Variants in SLC30A8 observed in about 807,000 individuals in gnomAD.
SLC30A8 encodes the protein solute carrier family 30 member 8.
A neutral mutation model predicts 36.9 loss-of-function variants in SLC30A8; 27 were observed. That is an observed-to-expected ratio of 0.73 (90% CI 0.54 to 1.01). SLC30A8 has a LOEUF of 1.01. Ranked by LOEUF, SLC30A8 falls within the 50% of genes least tolerant of loss-of-function variation. The pLI, the probability that SLC30A8 is intolerant of heterozygous loss-of-function variation, is 0.00. For synonymous variants in SLC30A8, 164 were observed against 172.4 expected, an observed-to-expected ratio of 0.95 and a Z score of 0.38; for missense variants, 439 against 452.0, an observed-to-expected ratio of 0.97 and a Z score of 0.26.
At chr8:117,008,650 G>A (rs1252855128) in intron 1 of SLC30A8, among the ~76,000 whole-genome samples, 1 of 152,174 alleles carries the variant, frequency 6.6e-6, no homozygotes, top group Admixed American at 6.5e-5. Flanking sequence ...TCCTGACCTT[G>A]TTTACAGAGG....
In SLC30A8 at chr8:117,073,228, C is replaced by G. The variant is rs891642627; in HGVS notation, c.-226+33970C>G. On this transcript the variant is annotated intron_variant, in intron 2 of 10. Transcript: ENST00000427715. Reference sequence around the variant, plus strand: ...TTTGTTAGTAACATTGCTTATGTTTCCTTCTCTAGTTACTATAATATTTCT... The same window carrying G: ...TTTGTTAGTAACATTGCTTATGTTTGCTTCTCTAGTTACTATAATATTTCT... Among the ~76,000 whole-genome samples, 7 of 151,508 alleles carry G rather than the reference C, an allele frequency of 4.6e-5. No individual in the cohort carries two copies. In the East Asian group the frequency reaches 1.2e-3, roughly 25 times the overall value.
At chr8:117,106,703 C>A (rs1220052254) in intron 2 of SLC30A8, among the ~76,000 whole-genome samples, 2 of 152,138 alleles carry the variant, frequency 1.3e-5, no homozygotes, top group Non-Finnish European at 1.5e-5. Context: ...TGATTTTCCA[C>A]CTGGAATCCC....
At chr8:117,091,970 G>A (rs964144816) in intron 2 of SLC30A8, among the ~76,000 whole-genome samples, 1 of 152,078 alleles carries the variant, frequency 6.6e-6, no homozygotes, top group African/African-American at 2.4e-5. Flanking sequence ...AAAGACCAAG[G>A]AATCCCATCA....
At chr8:116,997,152 G>A (rs1815848950) in intron 1 of SLC30A8, among the ~76,000 whole-genome samples, 2 of 152,114 alleles carry the variant, frequency 1.3e-5, no homozygotes, top group African/African-American at 4.8e-5. Context: ...AGAAGACGAA[G>A]GGGGTGAAGC....
chr8:117,123,088 C>T (rs1231332827), intron 2 of SLC30A8, among the ~76,000 whole-genome samples: 1 of 151,922 alleles, frequency 6.6e-6, no homozygotes, highest in Non-Finnish European at 1.5e-5. Context: ...TGGGAAGTTT[C>T]TCCGTCTTCT....
chr8:117,063,452 A>T (rs115491510), intron 2 of SLC30A8, among the ~76,000 whole-genome samples: 123 of 152,316 alleles, frequency 8.1e-4, no homozygotes, highest in African/African-American at 2.8e-3. Flanking sequence ...GCAAAATATA[A>T]ATCAGGCCAT....
chr8:117,135,718 G>C (rs1254184569), intron 1 of SLC30A8, among the ~76,000 whole-genome samples: 1 of 151,730 alleles, frequency 6.6e-6, no homozygotes, highest in African/African-American at 2.4e-5. Context: ...TTTTAAGATA[G>C]ATAGTAAATT....
intron 1 of SLC30A8, among the ~76,000 whole-genome samples, chr8:117,035,108 C>A (rs535621026): frequency 6.6e-6 from 1 of 152,154 alleles, no homozygotes; most frequent in Non-Finnish European, 1.5e-5. Context: ...CCTCCCAAAT[C>A]TCATGTCTCT....
At chr8:117,043,744 C>T (rs1025626813) in intron 2 of SLC30A8, among the ~76,000 whole-genome samples, 1 of 152,116 alleles carries the variant, frequency 6.6e-6, no homozygotes, top group Non-Finnish European at 1.5e-5. Flanking sequence ...CCTGCCTTGC[C>T]CCACCACCAC....
At chr8:117,075,225 TATATTTC>T (rs67320871) in intron 2 of SLC30A8, among the ~76,000 whole-genome samples, 15,179 of 152,174 alleles carry the variant, frequency 0.1, 899 homozygotes, top group East Asian at 0.14. Context: ...AATTAAGAAT[TATATTTC>T]ATAGGAGAAA....
chr8:117,023,692 A>C (rs1406061387), intron 1 of SLC30A8, among the ~76,000 whole-genome samples: 1 of 127,758 alleles, frequency 7.8e-6, no homozygotes, highest in East Asian at 2.6e-4. Context: ...GGACACAGGA[A>C]GGGGAACATC....
At chr8:116,980,342 C>A (rs1022765794) in intron 1 of SLC30A8, among the ~76,000 whole-genome samples, 1 of 152,000 alleles carries the variant, frequency 6.6e-6, no homozygotes, top group African/African-American at 2.4e-5. Context: ...GGAGAGTCTT[C>A]TTGGGAGGAG....
chr8:117,150,596 C>T (rs879769719), intron 2 of SLC30A8, among the ~76,000 whole-genome samples: 1 of 152,070 alleles, frequency 6.6e-6, no homozygotes, highest in South Asian at 2.1e-4. Context: ...CTAACACTAT[C>T]GAGACTTTAA....
At chr8:116,974,797 T>G (rs1410956091) in intron 1 of SLC30A8, among the ~76,000 whole-genome samples, 4 of 152,036 alleles carry the variant, frequency 2.6e-5, no homozygotes, top group Admixed American at 1.3e-4. Flanking sequence ...CAAATGTCCA[T>G]CAATGATAGA....
intron 4 of SLC30A8, among the ~76,000 whole-genome samples, chr8:117,159,468 A>T (rs1183109210): frequency 6.6e-6 from 1 of 152,188 alleles, no homozygotes; most frequent in East Asian, 1.9e-4. Context: ...GCCCCTTGAC[A>T]TCTCACTTAC....
intron 2 of SLC30A8, among the ~76,000 whole-genome samples, chr8:117,126,441 G>A (rs912085168): frequency 1.2e-4 from 18 of 151,600 alleles, no homozygotes; most frequent in Non-Finnish European, 1.6e-4. Context: ...TTGATTACCC[G>A]GTTGGTGAAT....
chr8:117,000,634 GAAA>G lies in SLC30A8; in HGVS notation c.-265-38579_-265-38577del, dbSNP rs1053777641. On this transcript the variant is annotated intron_variant, in intron 1 of 10. Transcript: ENST00000427715. Reference sequence around the variant, plus strand: ...CTGCTGATGCTCAAATGTTAAGACAGAAAAAAAAGAAAAAGCAATACAAGAAAG... The same window carrying G: ...CTGCTGATGCTCAAATGTTAAGACAGAAAAAGAAAAAGCAATACAAGAAAG... 2.0e-5 allele frequency among the ~76,000 whole-genome samples: 3 copies of G among 151,564 alleles called. No homozygotes were observed. In the East Asian group the frequency reaches 5.8e-4, roughly 29 times the overall value.
chr8:117,081,928 G>T (rs1818689014), intron 2 of SLC30A8, among the ~76,000 whole-genome samples: 1 of 152,082 alleles, frequency 6.6e-6, no homozygotes, highest in South Asian at 2.1e-4. Context: ...TCTTCCTCTA[G>T]GTACCATTTC....
chr8:117,114,728 GGTT>G (rs553699250), intron 2 of SLC30A8, among the ~76,000 whole-genome samples: 15 of 151,230 alleles, frequency 9.9e-5, no homozygotes, highest in Non-Finnish European at 1.6e-4. Flanking sequence ...CACTCTTGTA[GGTT>G]ATGCTTCCCC....
Sources: allele counts gnomAD v4.1 joint callset (sites outside exome capture counted in the v4.1 genomes callset), GRCh38; gene constraint gnomAD v4.1.1; transcripts MANE v1.5; gene names NCBI Gene and HGNC (gene_info 2026-07-23, HGNC 2026-07-21).